The following MARK2 variants were observed in gnomAD, a reference collection of about 807,000 sequenced individuals.
The protein encoded by MARK2 is serine/threonine-protein kinase MARK2.
MARK2 carries 16 observed loss-of-function variants against 89.8 expected under a neutral mutation model. That is an observed-to-expected ratio of 0.18 (90% CI 0.12 to 0.27). The LOEUF is 0.27. Among genes scored for constraint, MARK2 ranks in the 10% least tolerant of loss-of-function variants. The pLI is 1.00. For synonymous variants in MARK2, 382 were observed against 399.5 expected, an observed-to-expected ratio of 0.96 and a Z score of 0.52; for missense variants, 621 against 1,049.9, an observed-to-expected ratio of 0.59 and a Z score of 5.65.
Position 63,866,351 on chromosome 11 carries a change from C to CAA in MARK2, c.54+26809_54+26810dup, listed in dbSNP as rs57664174. 1.6e-3 allele frequency among the ~76,000 whole-genome samples: 137 copies of CAA among 86,064 alleles called. 1 individual carries two copies. Among genetic ancestry groups the CAA allele is most frequent in the Admixed American group, 0.011 (80 of 7,204 alleles). 56.5% of individuals were successfully genotyped at this position (86,064 alleles called of 152,430 possible). A position where few individuals can be genotyped will look rare whatever the true frequency, so the allele number is the denominator to read the frequency against. ...TGGGCAATAAAGCAAGACTCAGTCT[C>CAA]AAAAAAAAAAAAAAAAAAAGTAGTG... is the stretch of plus-strand genomic sequence containing the variant. On this transcript the variant is annotated intron_variant, in intron 1 of 18. Transcript: ENST00000402010.
chr11:63,871,156 G>A (rs1938424812), intron 1 of MARK2, among the ~76,000 whole-genome samples: 1 of 152,144 alleles, frequency 6.6e-6, no homozygotes, highest in Admixed American at 6.6e-5. Flanking sequence ...ACAGAAAGTT[G>A]TTTTTTTAAG....
chr11:63,866,146 G>C (rs7937314), intron 1 of MARK2, among the ~76,000 whole-genome samples: 73,195 of 151,828 alleles, frequency 0.48, 19,893 homozygotes, highest in East Asian at 0.88. Context: ...GAGGCCAGGA[G>C]TTCGACACCA....
At chr11:63,875,444 A>T (rs979681849) in intron 1 of MARK2, among the ~76,000 whole-genome samples, 1 of 151,968 alleles carries the variant, frequency 6.6e-6, no homozygotes. Flanking sequence ...GAGATGGGGA[A>T]TCTCATTATG....
chr11:63,840,315 A>G (rs1268141625), intron 1 of MARK2, among the ~76,000 whole-genome samples: 3 of 151,926 alleles, frequency 2.0e-5, no homozygotes, highest in African/African-American at 7.3e-5. Flanking sequence ...TGGGGTTCCA[A>G]TCATCACTCC....
intron 18 of MARK2, 96 bp downstream of exon 18, chr11:63,908,400 C>T: frequency 9.4e-7 from 1 of 1,065,112 alleles, no homozygotes; most frequent in Non-Finnish European, 1.4e-6. Context: ...GCTCTTCCTC[C>T]CGTGGTTCTG....
In MARK2 at chr11:63,909,247, A is replaced by C. The variant is rs540924870; in HGVS notation, c.*10A>C. The stretch of plus-strand genomic sequence containing the variant: ...CGAGCTGAAGCTTTAACAGGCTGCC[A>C]GGAGCGGGGGCGGCGGGGGCGGGCC... On this transcript the variant is annotated 3_prime_UTR_variant, in exon 19 of 19. Transcript: ENST00000402010. 4.1e-5 allele frequency: 65 copies of C among 1,577,640 alleles called. 1 individual carries two copies. In the South Asian group the frequency reaches 6.3e-4, roughly 15 times the overall value.
chr11:63,846,946 G>A (rs1439735002), intron 1 of MARK2, among the ~76,000 whole-genome samples: 1 of 152,118 alleles, frequency 6.6e-6, no homozygotes. Context: ...GGGAGCCACC[G>A]CGCCCAGCCC....
chr11:63,904,233 G>T lies in MARK2; in HGVS notation c.1676+86G>T. The stretch of plus-strand genomic sequence containing the variant: ...CAACAATTTCTTCTTCCCACTTGGG[G>T]GTCCTGCTGTGTTCTTGTCATCTTA... On this transcript the variant is annotated intron_variant, in intron 15 of 18. Transcript: ENST00000402010. The surrounding 1 kb of genome is among the most constrained non-coding windows in gnomAD (Gnocchi z 6.3). The T allele has an allele frequency of 8.1e-7, 1 of 1,233,210 alleles. No homozygotes were observed. Among genetic ancestry groups the T allele is most frequent in the Non-Finnish European group, 1.1e-6 (1 of 906,408 alleles). The allele number at this position is 1,233,210 out of a possible 1,614,324, so 76.4% of individuals were successfully genotyped here. A position where few individuals can be genotyped will look rare whatever the true frequency, so the allele number is the denominator to read the frequency against.
intron 1 of MARK2, among the ~76,000 whole-genome samples, chr11:63,854,186 CTGTGTGTG>C (rs55689743): frequency 0.56 from 79,451 of 141,438 alleles, 23,549 homozygotes; most frequent in East Asian, 0.87. Context: ...ACTATTAATT[CTGTGTGTG>C]TGTGTGTGTG....
At chr11:63,878,058 A>G (rs1402276497) in intron 1 of MARK2, among the ~76,000 whole-genome samples, 1 of 152,256 alleles carries the variant, frequency 6.6e-6, no homozygotes, top group Non-Finnish European at 1.5e-5. Flanking sequence ...TGGCAAGCCC[A>G]GTAAGGCAGG....
rs1017744507 is a variant in MARK2, at chr11:63,902,117, C to T, written c.1102-81C>T. On this transcript the variant is annotated intron_variant, in intron 11 of 18. Coordinates refer to ENST00000402010, the MANE Select transcript of MARK2 (RefSeq NM_001039469.3). The surrounding 1 kb of genome is among the most constrained non-coding windows in gnomAD (Gnocchi z 4.2). Reference sequence around the variant, plus strand: ...GGGGTGTTTGAGTGTTGGGAGAGGGCGGTATGTGTAAATGTGTCCATCCAT... The same window carrying T: ...GGGGTGTTTGAGTGTTGGGAGAGGGTGGTATGTGTAAATGTGTCCATCCAT... 75 of 1,485,946 alleles carry T rather than the reference C, an allele frequency of 5.0e-5. No individual in the cohort carries two copies. The East Asian group carries it at 1.0e-3, about 21-fold the overall frequency. 92.0% of individuals were successfully genotyped at this position (1,485,946 alleles called of 1,614,324 possible).
chr11:63,888,571 C>G, intron 1 of MARK2: 1 of 1,093,926 alleles, frequency 9.1e-7, no homozygotes, highest in African/African-American at 1.7e-5. Context: ...CCCCTCCTGC[C>G]CCTTCCCTCC....
intron 1 of MARK2, chr11:63,888,935 C>T (rs759758978): frequency 1.5e-6 from 2 of 1,351,460 alleles, no homozygotes; most frequent in Non-Finnish European, 2.0e-6. Context: ...ATGGAAGTCG[C>T]TGGTAGTCCT....
In MARK2 at chr11:63,898,594, CT is replaced by C; in HGVS notation, c.338-10del. The stretch of plus-strand genomic sequence containing the variant: ...GTTGCTTCTTGACTTAAGGCTTGGC[CT>C]TTTCTCTTGTAGTTAAATTATTTGA... On this transcript the variant is annotated splice_polypyrimidine_tract_variant and intron_variant, in intron 4 of 18. Coordinates refer to ENST00000402010, the MANE Select transcript of MARK2 (RefSeq NM_001039469.3). 1 of 1,610,114 alleles carries C rather than the reference CT, an allele frequency of 6.2e-7. No homozygotes were observed. Among genetic ancestry groups the C allele is most frequent in the Non-Finnish European group, 8.5e-7 (1 of 1,176,296 alleles).
chr11:63,856,791 T>G (rs1312386017), intron 1 of MARK2, among the ~76,000 whole-genome samples: 3 of 89,454 alleles, frequency 3.4e-5, no homozygotes, highest in African/African-American at 1.1e-4. Flanking sequence ...TTTTTTTTTT[T>G]TTTTTTTTTT....
intron 1 of MARK2, among the ~76,000 whole-genome samples, chr11:63,884,374 G>C (rs1391884148): frequency 1.3e-5 from 2 of 152,244 alleles, no homozygotes; most frequent in Middle Eastern, 6.3e-3. Flanking sequence ...GTTGCTCTCT[G>C]TTCTCACCTC....
intron 1 of MARK2, among the ~76,000 whole-genome samples, chr11:63,872,553 T>A (rs971856909): frequency 6.6e-5 from 10 of 151,958 alleles, no homozygotes; most frequent in Admixed American, 6.6e-4. Context: ...CAGTCTTTAC[T>A]GCTTTCCCAG....
chr11:63,870,730 G>T (rs981743576), intron 1 of MARK2, among the ~76,000 whole-genome samples: 1 of 152,244 alleles, frequency 6.6e-6, no homozygotes, highest in Non-Finnish European at 1.5e-5. Context: ...AATGTCCGGA[G>T]AGACCCTGTG....
chr11:63,855,172 A>G (rs756496548), intron 1 of MARK2, among the ~76,000 whole-genome samples: 6 of 152,080 alleles, frequency 3.9e-5, no homozygotes, highest in African/African-American at 1.2e-4. Flanking sequence ...AATTCTGCAC[A>G]ATTCAGTGAA....
Sources: gnomAD v4.1 joint callset for allele counts (sites outside exome capture counted in the v4.1 genomes callset) on GRCh38, gnomAD v4.1.1 for gene constraint, Gnocchi (gnomAD v3.1) non-coding constraint, MANE v1.5 for transcripts, NCBI Gene and HGNC (gene_info 2026-07-23, HGNC 2026-07-21) for gene names.